Variants in MOBP observed in about 807,000 individuals in gnomAD.
MOBP encodes the protein myelin-associated oligodendrocyte basic protein.
In MOBP, 5 loss-of-function variants were observed where a neutral mutation model predicts 15.0. That is an observed-to-expected ratio of 0.33 (90% CI 0.17 to 0.70). MOBP has a LOEUF of 0.70. MOBP is among the 30% of genes least tolerant of loss of function. MOBP has a pLI of 0.67. For missense variants in MOBP, 188 were observed against 257.8 expected, an observed-to-expected ratio of 0.73 and a Z score of 1.85; for synonymous variants, 88 against 99.0, an observed-to-expected ratio of 0.89 and a Z score of 0.66.
intron 2 of MOBP, chr3:39,499,629 C>T (rs2042941273): frequency 6.3e-6 from 1 of 158,542 alleles, no homozygotes; most frequent in African/African-American, 2.4e-5. Context: ...CCTGTTTCTT[C>T]ATGGATGTCC....
downstream of MOBP, among the ~76,000 whole-genome samples, chr3:39,518,856 T>A (rs1446261296): frequency 2.0e-5 from 3 of 152,224 alleles, no homozygotes; most frequent in South Asian, 2.1e-4. Context: ...TCACAACCAA[T>A]TCACTGCTAG....
rs1316555282 is a variant in MOBP at position 39,480,098 on chromosome 3, G to A, written c.-30G>A. On this transcript the variant is annotated 5_prime_UTR_variant, in exon 2 of 4. Transcript: ENST00000684792. ...CAAGCTCATAACAGAGATCCAATCAGCAGATGTGTACGGATGAAAATACAG... is the reference window on the plus strand; with the variant it reads ...CAAGCTCATAACAGAGATCCAATCAACAGATGTGTACGGATGAAAATACAG... 3.3e-5 allele frequency: 5 copies of A among 151,226 alleles called. No homozygotes were observed. Among genetic ancestry groups the A allele is most frequent in the African/African-American group, 9.7e-5 (4 of 41,238 alleles). 9.4% of individuals were successfully genotyped at this position (151,226 alleles called of 1,614,324 possible). A position where few individuals can be genotyped will look rare whatever the true frequency, so the allele number is the denominator to read the frequency against.
downstream of MOBP, among the ~76,000 whole-genome samples, chr3:39,506,671 C>G (rs182100789): frequency 1.3e-4 from 20 of 152,262 alleles, no homozygotes; most frequent in East Asian, 3.7e-3. Context: ...TTCTTTGACA[C>G]GTCTAGCTTG....
rs989650540 is a variant in MOBP, at chr3:39,469,120, A to G, written c.-89+1380A>G. ...TACATATGTGTGTGTATATATACAT[A>G]TATACATATGTGTGTGTATATACAT... is the stretch of plus-strand genomic sequence containing the variant. On this transcript the variant is annotated intron_variant, in intron 1 of 3. Transcript: ENST00000684792. 1.4e-4 allele frequency among the ~76,000 whole-genome samples: 12 copies of G among 83,934 alleles called. 3 individuals carry two copies. Among genetic ancestry groups the G allele is most frequent in the African/African-American group, 3.6e-4 (4 of 11,220 alleles). The allele number at this position is 83,934 out of a possible 152,430, so 55.1% of individuals were successfully genotyped here.
chr3:39,514,937 AC>A (rs748408992), exon 5 of MOBP: 4 of 149,848 alleles, frequency 2.7e-5, no homozygotes, highest in Non-Finnish European at 4.4e-5. Context: ...TCCTTAGATC[AC>A]CTTGTGCTCC....
rs760432784 is a variant in MOBP, at chr3:39,468,987, CAT to C, written c.-89+1250_-89+1251del. 7.2e-3 allele frequency among the ~76,000 whole-genome samples: 540 copies of C among 74,994 alleles called. 4 individuals are homozygous for C. Among genetic ancestry groups the C allele is most frequent in the East Asian group, 0.019 (56 of 2,982 alleles). The allele number at this position is 74,994 out of a possible 152,430, so 49.2% of individuals were successfully genotyped here. On this transcript the variant is annotated intron_variant, in intron 1 of 3. Transcript: ENST00000684792. ...ATGTGTGTGTATATATACATATATA[CAT>C]ATGTGTGTGTATATATACATATATA... is the stretch of plus-strand genomic sequence containing the variant.
At chr3:39,524,627 A>C (rs2043305002) in exon 5 of MOBP, 1 of 152,196 alleles carries the variant, frequency 6.6e-6, no homozygotes, top group African/African-American at 2.4e-5. Flanking sequence ...TTTGGGTTGC[A>C]ATCTGGGGAT....
intron 2 of MOBP, among the ~76,000 whole-genome samples, chr3:39,488,776 T>G (rs72869184): frequency 0.13 from 19,953 of 152,126 alleles, 1,466 homozygotes; most frequent in Middle Eastern, 0.2. Context: ...ACATCCAGTT[T>G]GTCCTCATGT....
chr3:39,527,743 G>C (rs1307515500), downstream of MOBP: 1 of 152,362 alleles, frequency 6.6e-6, no homozygotes, highest in Non-Finnish European at 1.5e-5. Flanking sequence ...ACAGGCATGA[G>C]CCACCGCGCC....
chr3:39,484,345 G>A (rs533112023), intron 2 of MOBP, among the ~76,000 whole-genome samples: 13 of 152,292 alleles, frequency 8.5e-5, no homozygotes, highest in African/African-American at 2.2e-4. Context: ...TCTATGTGCC[G>A]TATTAATTGA....
At chr3:39,469,299 T>G (rs1263799840) in intron 1 of MOBP, among the ~76,000 whole-genome samples, 2 of 149,796 alleles carry the variant, frequency 1.3e-5, no homozygotes, top group Non-Finnish European at 3.0e-5. Flanking sequence ...TGTGTATATG[T>G]ATATATACAC....
downstream of MOBP, chr3:39,503,065 T>C (rs752384921): frequency 1.9e-5 from 10 of 522,622 alleles, no homozygotes; most frequent in Non-Finnish European, 3.0e-5. Flanking sequence ...TAGGTGCTAT[T>C]GGTGCATACT....
chr3:39,483,990 T>C (rs2042664313), intron 2 of MOBP, among the ~76,000 whole-genome samples: 1 of 152,214 alleles, frequency 6.6e-6, no homozygotes, highest in African/African-American at 2.4e-5. Context: ...ATTAAGTGGA[T>C]GGTGAAACAG....
chr3:39,521,415 T>C (rs1220766060), intron 3 of MOBP, among the ~76,000 whole-genome samples: 1 of 152,226 alleles, frequency 6.6e-6, no homozygotes. Flanking sequence ...TATGTGAATA[T>C]AGAATTTATT....
At chr3:39,483,638 C>T (rs1033897908) in intron 2 of MOBP, among the ~76,000 whole-genome samples, 9 of 152,104 alleles carry the variant, frequency 5.9e-5, no homozygotes, top group Admixed American at 1.3e-4. Flanking sequence ...GGTTGTCTTC[C>T]CCATCATTCA....
chr3:39,498,076 G>A (rs905351801), intron 2 of MOBP, among the ~76,000 whole-genome samples: 5 of 152,172 alleles, frequency 3.3e-5, no homozygotes, highest in Non-Finnish European at 5.9e-5. Context: ...ACCGTTAGGT[G>A]GAACTTAAAA....
downstream of MOBP, among the ~76,000 whole-genome samples, chr3:39,518,744 T>C (rs760873956): frequency 1.3e-5 from 2 of 152,212 alleles, no homozygotes; most frequent in Admixed American, 6.5e-5. Flanking sequence ...TGGGACTCAA[T>C]AGACATTCTG....
chr3:39,517,865 GTATTATATTTTAC>G (rs2043222449), downstream of MOBP: 1 of 152,090 alleles, frequency 6.6e-6, no homozygotes. Context: ...TTATGTAAAA[GTATTATATTTTAC>G]ATGGCACTAA....
At chr3:39,493,375 T>G (rs193266941) in intron 2 of MOBP, among the ~76,000 whole-genome samples, 56 of 152,278 alleles carry the variant, frequency 3.7e-4, no homozygotes, top group African/African-American at 1.3e-3. Context: ...ATATATTGTG[T>G]TCACAAAATC....
Sources: allele counts gnomAD v4.1 joint callset (sites outside exome capture counted in the v4.1 genomes callset), GRCh38; gene constraint gnomAD v4.1.1; transcripts MANE v1.5; gene names NCBI Gene and HGNC (gene_info 2026-07-23, HGNC 2026-07-21).